Variants in TENM3 observed in about 807,000 individuals in gnomAD.
TENM3 encodes teneurin-3.
Under a neutral mutation model 255.1 loss-of-function variants are expected in TENM3, and 63 were observed. The ratio of observed to expected loss-of-function variants is 0.25; its 90% CI spans 0.20 to 0.30. TENM3 has a LOEUF of 0.30. Among genes scored for constraint, TENM3 ranks in the 10% least tolerant of loss-of-function variants. TENM3 has a pLI of 1.00. For synonymous variants in TENM3, 1,306 were observed against 1,322.3 expected (o/e 0.99, Z 0.27); for missense variants, 2,929 against 3,461.1 (o/e 0.85, Z 3.86).
At position 182,187,638 on chromosome 4, in the gene TENM3, T is replaced by A. The variant is rs546994048; in HGVS notation, c.-76+42884T>A. 1.8e-4 allele frequency among the ~76,000 whole-genome samples: 28 copies of A among 152,076 alleles called. No homozygotes were observed. In the South Asian group the frequency reaches 5.4e-3, roughly 29 times the overall value. The stretch of plus-strand genomic sequence containing the variant: ...TACCAGAAGCCATAAAAGGAAAGAA[T>A]TCTTTGGTTGAACAGAAATTAATTA... On this transcript the variant is annotated intron_variant, in intron 1 of 2. Transcript: ENST00000512480.
At chr4:181,468,707 G>T in the TENM3 span, among the ~76,000 whole-genome samples, 3 of 152,306 alleles carry the variant, frequency 2.0e-5, no homozygotes, top group South Asian at 4.1e-4. Context: ...CCATATTGCT[G>T]CCAAGTCCCT....
chr4:181,831,998 G>A, the TENM3 span, among the ~76,000 whole-genome samples: 4 of 148,280 alleles, frequency 2.7e-5, no homozygotes, highest in African/African-American at 1.0e-4. Context: ...GTGTGTGTGT[G>A]TGTGTGTGTG....
intron 1 of TENM3, among the ~76,000 whole-genome samples, chr4:182,267,099 T>G (rs1392700255): frequency 1.3e-5 from 2 of 152,150 alleles, no homozygotes; most frequent in African/African-American, 4.8e-5. Flanking sequence ...CAAACAAAAG[T>G]TAACTACATG....
At chr4:182,637,054 A>G (rs935944161) in intron 5 of TENM3, among the ~76,000 whole-genome samples, 1 of 152,218 alleles carries the variant, frequency 6.6e-6, no homozygotes, top group Non-Finnish European at 1.5e-5. Context: ...CATTAGTGGT[A>G]CTAACAGCGG....
chr4:181,946,097 G>A, the TENM3 span, among the ~76,000 whole-genome samples: 1 of 152,022 alleles, frequency 6.6e-6, no homozygotes, highest in Non-Finnish European at 1.5e-5. Context: ...ACCGATTGAA[G>A]GAAAATTAGG....
rs1751349796 is a variant in TENM3, at chr4:182,161,904, T to TGTGTATATATAC, written c.-76+17150_-76+17151insGTGTATATATAC. On this transcript the variant is annotated intron_variant, in intron 1 of 2. Coordinates refer to the TENM3 transcript ENST00000512480. ...ATATACACACATATATGTGTATATA[T>TGTGTATATATAC]ACACACACATGTATGTGTATATATA... Among the ~76,000 whole-genome samples, 2 of 45,016 alleles carry TGTGTATATATAC rather than the reference T, an allele frequency of 4.4e-5. 1 individual carries two copies. The highest frequency in any genetic ancestry group is 7.9e-4 in the Admixed American group (2 of 2,516). The allele number at this position is 45,016 out of a possible 152,430, so 29.5% of individuals were successfully genotyped here.
At chr4:181,888,776 G>A in the TENM3 span, among the ~76,000 whole-genome samples, 2 of 151,274 alleles carry the variant, frequency 1.3e-5, no homozygotes, top group African/African-American at 4.9e-5. Context: ...GGGGGGAACA[G>A]TGTAAGCCAC....
the TENM3 span, among the ~76,000 whole-genome samples, chr4:181,949,233 G>C: frequency 6.6e-6 from 1 of 152,142 alleles, no homozygotes; most frequent in Non-Finnish European, 1.5e-5. Context: ...TTCCTCAAAT[G>C]AATTAAATAC....
At chr4:181,913,477 T>C in the TENM3 span, among the ~76,000 whole-genome samples, 1 of 152,166 alleles carries the variant, frequency 6.6e-6, no homozygotes, top group Non-Finnish European at 1.5e-5. Context: ...CCTAACCCAG[T>C]AGTCCCTACT....
chr4:182,326,791 C>T (rs1249617223), intron 2 of TENM3, among the ~76,000 whole-genome samples: 1 of 152,174 alleles, frequency 6.6e-6, no homozygotes, highest in Admixed American at 6.5e-5. Flanking sequence ...AATCCTCTTA[C>T]TTGGGCCTCC....
chr4:181,511,038 A>G, the TENM3 span, among the ~76,000 whole-genome samples: 2 of 152,220 alleles, frequency 1.3e-5, no homozygotes, highest in South Asian at 2.1e-4. Context: ...AAAAGCAAGC[A>G]TTCAAGAAAA....
At chr4:181,568,945 G>A in the TENM3 span, among the ~76,000 whole-genome samples, 1 of 152,212 alleles carries the variant, frequency 6.6e-6, no homozygotes, top group Non-Finnish European at 1.5e-5. Flanking sequence ...TCTGTTACGT[G>A]TGTATCCCAA....
the TENM3 span, among the ~76,000 whole-genome samples, chr4:181,621,403 A>G: frequency 6.6e-6 from 1 of 152,224 alleles, no homozygotes; most frequent in African/African-American, 2.4e-5. Context: ...GATTTATTAC[A>G]TAGAAGAGCA....
the TENM3 span, among the ~76,000 whole-genome samples, chr4:181,888,489 A>AATGTGTATATAT: frequency 7.8e-5 from 4 of 51,286 alleles, no homozygotes; most frequent in Admixed American, 3.0e-4. Flanking sequence ...AACCAATAGA[A>AATGTGTATATAT]ATGTGTATAT....
chr4:181,623,208 C>T, the TENM3 span, among the ~76,000 whole-genome samples: 1 of 152,296 alleles, frequency 6.6e-6, no homozygotes, highest in South Asian at 2.1e-4. Flanking sequence ...AGCCGTGCGA[C>T]ATTAGATAAG....
the TENM3 span, among the ~76,000 whole-genome samples, chr4:181,560,702 T>C: frequency 6.6e-6 from 1 of 152,126 alleles, no homozygotes; most frequent in Non-Finnish European, 1.5e-5. Context: ...CTCAGTTTGT[T>C]AACAGCTGCA....
At chr4:181,687,668 C>T in the TENM3 span, among the ~76,000 whole-genome samples, 1 of 152,054 alleles carries the variant, frequency 6.6e-6, no homozygotes, top group African/African-American at 2.4e-5. Flanking sequence ...GCTCAAAAAC[C>T]CTGCCCTGAA....
the TENM3 span, among the ~76,000 whole-genome samples, chr4:182,100,284 T>C: frequency 6.6e-6 from 1 of 151,732 alleles, no homozygotes; most frequent in African/African-American, 2.4e-5. Context: ...CATCCATTTC[T>C]TCATGTCTCA....
intron 1 of TENM3, among the ~76,000 whole-genome samples, chr4:182,298,925 A>C (rs1190010385): frequency 7.3e-6 from 1 of 137,820 alleles, no homozygotes; most frequent in Admixed American, 8.1e-5. Context: ...CAGAGGTTGC[A>C]GTGAGCTGAG....
Sources: allele counts gnomAD v4.1 joint callset (sites outside exome capture counted in the v4.1 genomes callset), GRCh38; gene constraint gnomAD v4.1.1; transcripts MANE v1.5; gene names NCBI Gene and HGNC (gene_info 2026-07-23, HGNC 2026-07-21).